DTNA: variants seen among roughly 807,000 people sequenced by gnomAD.
The protein encoded by DTNA is dystrophin-related protein 3.
Under a neutral mutation model 100.7 loss-of-function variants are expected in DTNA, and 43 were observed. The observed-to-expected ratio is 0.43, with a 90% CI of 0.33 to 0.55. The LOEUF is 0.55. Ranked by LOEUF, DTNA falls within the 20% of genes least tolerant of loss-of-function variation. The probability of loss-of-function intolerance (pLI) is 0.04; values close to 1 mark genes in which losing one functional copy is unlikely to be tolerated. For synonymous variants in DTNA, 349 were observed against 347.9 expected (o/e 1.00, Z -0.04); for missense variants, 798 against 953.9 (o/e 0.84, Z 2.15).
intron 3 of DTNA, among the ~76,000 whole-genome samples, chr18:34,769,740 T>TTTTTTTG (rs2093670174): frequency 8.3e-6 from 1 of 120,176 alleles, no homozygotes; most frequent in African/African-American, 2.8e-5. Flanking sequence ...TTTTTTTTTT[T>TTTTTTTG]GACAGAGTTT....
At chr18:34,642,851 C>G (rs1568101575) in intron 1 of DTNA, among the ~76,000 whole-genome samples, 1 of 152,150 alleles carries the variant, frequency 6.6e-6, no homozygotes, top group Non-Finnish European at 1.5e-5. Flanking sequence ...GCCACCGCAC[C>G]TGGCCCAGAC....
rs538148466 is a variant in DTNA, at chr18:34,871,925, T to C, written c.1744-3314T>C. Among the ~76,000 whole-genome samples the C allele has an allele frequency of 3.3e-5, 5 of 152,344 alleles. No homozygotes were observed. In the East Asian group the frequency reaches 7.7e-4, roughly 24 times the overall value. On this transcript the variant is annotated intron_variant, in intron 17 of 22. Transcript: ENST00000444659. Reference sequence around the variant, plus strand: ...GTGGGAAAGATGCAACTGATTATTCTCTTCAGCACAGGATCTTCCACCTAA... The same window carrying C: ...GTGGGAAAGATGCAACTGATTATTCCCTTCAGCACAGGATCTTCCACCTAA...
intron 1 of DTNA, among the ~76,000 whole-genome samples, chr18:34,599,180 A>G (rs2051266886): frequency 6.6e-6 from 1 of 152,194 alleles, no homozygotes; most frequent in Admixed American, 6.5e-5. Context: ...AAGCCCCAGT[A>G]TGGGTGGGGC....
chr18:34,521,719 TA>T (rs1191586052), intron 1 of DTNA, among the ~76,000 whole-genome samples: 6 of 152,172 alleles, frequency 3.9e-5, no homozygotes, highest in Non-Finnish European at 5.9e-5. Flanking sequence ...CTCCGCGGCT[TA>T]CTCTCTCGCT....
At chr18:34,631,084 C>A (rs867153279) in intron 1 of DTNA, among the ~76,000 whole-genome samples, 2 of 152,240 alleles carry the variant, frequency 1.3e-5, no homozygotes, top group South Asian at 4.1e-4. Context: ...TACTAGCTAA[C>A]ATATATTGAG....
chr18:34,870,103 T>C (rs931666889), intron 17 of DTNA, among the ~76,000 whole-genome samples: 1 of 152,270 alleles, frequency 6.6e-6, no homozygotes, highest in Non-Finnish European at 1.5e-5. Context: ...TCCATTTTTT[T>C]AAACTACATT....
intron 1 of DTNA, among the ~76,000 whole-genome samples, chr18:34,601,381 C>T (rs1363242931): frequency 6.6e-6 from 1 of 152,202 alleles, no homozygotes; most frequent in Non-Finnish European, 1.5e-5. Flanking sequence ...TGGCATACTG[C>T]TAAGCATGTC....
chr18:34,511,928 TCCA>T (rs1356108363), intron 1 of DTNA, among the ~76,000 whole-genome samples: 1 of 152,042 alleles, frequency 6.6e-6, no homozygotes, highest in Non-Finnish European at 1.5e-5. Context: ...GGCTTGAGCT[TCCA>T]CTAGCTCCAA....
At chr18:34,740,708 A>G (rs1180103109) in intron 1 of DTNA, among the ~76,000 whole-genome samples, 1 of 152,048 alleles carries the variant, frequency 6.6e-6, no homozygotes, top group African/African-American at 2.4e-5. Flanking sequence ...AAGCGGGAGG[A>G]TAATTTGAGC....
intron 1 of DTNA, among the ~76,000 whole-genome samples, chr18:34,519,337 A>C (rs371248038): frequency 2.5e-4 from 38 of 152,168 alleles, no homozygotes; most frequent in African/African-American, 8.9e-4. Flanking sequence ...TCAAAAACAG[A>C]AATCATAAAA....
rs930600918 is a variant in DTNA, at chr18:34,860,231, T to A, written c.1646+1833T>A. Among the ~76,000 whole-genome samples, 928 of 135,430 alleles carry A rather than the reference T, an allele frequency of 6.9e-3. 33 individuals carry two copies. Among genetic ancestry groups the A allele is most frequent in the African/African-American group, 0.025 (881 of 35,408 alleles). The allele number at this position is 135,430 out of a possible 152,430, so 88.8% of individuals were successfully genotyped here. On this transcript the variant is annotated intron_variant, in intron 16 of 22. Coordinates refer to ENST00000444659, the MANE Select transcript of DTNA (RefSeq NM_001386795.1). ...CCGGCTAATTTTTTGTTTTTTTTTT[T>A]TTTTTTTTTTTTTTTTTTGGAGAGA... is the stretch of plus-strand genomic sequence containing the variant.
intron 1 of DTNA, among the ~76,000 whole-genome samples, chr18:34,743,024 C>T (rs762720090): frequency 1.3e-5 from 2 of 152,058 alleles, no homozygotes; most frequent in African/African-American, 4.8e-5. Context: ...AGCCATGGCT[C>T]TCTTAAGAAA....
rs547844662 is a variant in DTNA, at chr18:34,557,000, A to G, written c.-2+63486A>G. On this transcript the variant is annotated intron_variant, in intron 1 of 19. Transcript: ENST00000283365. ...TGGTTCCATTCTCCCCATCACTTTC[A>G]GGTACACCAATCAGACGTAGATTTG... is the stretch of plus-strand genomic sequence containing the variant. Among the ~76,000 whole-genome samples, 492 of 149,416 alleles carry G rather than the reference A, an allele frequency of 3.3e-3. 3 individuals are homozygous for G. Among genetic ancestry groups the G allele is most frequent in the African/African-American group, 0.012 (473 of 39,828 alleles).
chr18:34,888,556 C>A lies in DTNA; in HGVS notation c.*822C>A, dbSNP rs567974493. On this transcript the variant is annotated 3_prime_UTR_variant, in exon 23 of 23. Coordinates refer to ENST00000444659, the MANE Select transcript of DTNA (RefSeq NM_001386795.1). ...TTTTTTTCCAAATAGATATCATATTCAAAAAAGGCAGCATTCAAATTATAT... is the reference window on the plus strand; with the variant it reads ...TTTTTTTCCAAATAGATATCATATTAAAAAAAGGCAGCATTCAAATTATAT... 50 of 985,364 alleles carry A rather than the reference C, an allele frequency of 5.1e-5. No individual in the cohort carries two copies. In the South Asian group the frequency reaches 2.1e-3, roughly 42 times the overall value. 61.0% of individuals were successfully genotyped at this position (985,364 alleles called of 1,614,324 possible).
At chr18:34,555,360 T>C (rs1224284987) in intron 1 of DTNA, among the ~76,000 whole-genome samples, 1 of 150,548 alleles carries the variant, frequency 6.6e-6, no homozygotes, top group Non-Finnish European at 1.5e-5. Context: ...AAAGGTTTTT[T>C]GTGTCTCTAT....
intron 1 of DTNA, among the ~76,000 whole-genome samples, chr18:34,554,154 T>C (rs2045764362): frequency 7.7e-6 from 1 of 129,372 alleles, no homozygotes; most frequent in South Asian, 2.5e-4. Flanking sequence ...TGAATGGGAG[T>C]TCACTCATGA....
intron 1 of DTNA, among the ~76,000 whole-genome samples, chr18:34,641,501 C>T (rs571101541): frequency 9.2e-4 from 140 of 152,330 alleles, no homozygotes; most frequent in African/African-American, 3.1e-3. Context: ...CCTATGACAG[C>T]CCCTTAAATA....
At chr18:34,824,502 A>G (rs568131387) in intron 9 of DTNA, among the ~76,000 whole-genome samples, 1 of 152,182 alleles carries the variant, frequency 6.6e-6, no homozygotes, top group East Asian at 1.9e-4. Context: ...TTTTTTTACT[A>G]CATGGCACAT....
intron 1 of DTNA, among the ~76,000 whole-genome samples, chr18:34,703,070 T>C (rs1262925197): frequency 6.6e-6 from 1 of 152,196 alleles, no homozygotes; most frequent in Non-Finnish European, 1.5e-5. Flanking sequence ...GTTCATTCTT[T>C]ACATATGGTT....
Sources: allele counts gnomAD v4.1 joint callset (sites outside exome capture counted in the v4.1 genomes callset), GRCh38; gene constraint gnomAD v4.1.1; transcripts MANE v1.5; gene names NCBI Gene and HGNC (gene_info 2026-07-23, HGNC 2026-07-21).